Variants in ANKFN1 observed in about 807,000 individuals in gnomAD.
ANKFN1 encodes ankyrin repeat and fibronectin type III domain containing 1, also known as ankyrin repeat and fibronectin type-III domain-containing protein 1.
A neutral mutation model predicts 108.7 loss-of-function variants in ANKFN1; 74 were observed. The ratio of observed to expected loss-of-function variants is 0.68; its 90% CI spans 0.56 to 0.83. The LOEUF is 0.83. Ranked by LOEUF, ANKFN1 falls within the 40% of genes least tolerant of loss-of-function variation. ANKFN1 has a pLI of 0.00. For missense variants in ANKFN1, 1,505 were observed against 1,382.3 expected (o/e 1.09, Z -1.41); for synonymous variants, 547 against 516.2 (o/e 1.06, Z -0.81).
intron 15 of ANKFN1, among the ~76,000 whole-genome samples, chr17:56,475,932 C>A (rs2050482917): frequency 6.6e-6 from 1 of 152,192 alleles, no homozygotes; most frequent in Non-Finnish European, 1.5e-5. Flanking sequence ...AATCACAGCT[C>A]TGCAGGCTTA....
intron 15 of ANKFN1, among the ~76,000 whole-genome samples, chr17:56,467,825 A>G (rs2050171381): frequency 2.1e-5 from 1 of 48,036 alleles, no homozygotes; most frequent in Non-Finnish European, 3.7e-5. Flanking sequence ...AAAGAAAGAA[A>G]GAAAGAAAGA....
chr17:56,053,243 C>T lies in ANKFN1; in HGVS notation c.288+6918C>T, dbSNP rs1267415212. The stretch of plus-strand genomic sequence containing the variant: ...ATATAGGCATAAAATTTGTAATAAT[C>T]ACATCAGGATAAATGGGGCATCCAT... On this transcript the variant is annotated intron_variant, in intron 4 of 12. Transcript: ENST00000635860. 2.6e-5 allele frequency among the ~76,000 whole-genome samples: 4 copies of T among 152,124 alleles called. No homozygotes were observed. The East Asian group carries it at 5.8e-4, about 22-fold the overall frequency.
chr17:56,089,603 T>C (rs1248806851), intron 4 of ANKFN1, among the ~76,000 whole-genome samples: 3 of 151,384 alleles, frequency 2.0e-5, no homozygotes, highest in Non-Finnish European at 3.0e-5. Flanking sequence ...AAAAGTGATA[T>C]TATCTTTTTC....
At chr17:56,268,084 C>A (rs1217445015) in intron 3 of ANKFN1, among the ~76,000 whole-genome samples, 1 of 152,034 alleles carries the variant, frequency 6.6e-6, no homozygotes, top group Non-Finnish European at 1.5e-5. Flanking sequence ...CCAAATGAAC[C>A]TAATAGATAT....
rs1437239366 is a variant in ANKFN1 at position 56,510,693 on chromosome 17, C to G, written c.2865C>G (p.Pro955=). ...VKTPLGPGQD[P]QGEGPNPDHS... The stretch of plus-strand genomic sequence containing the variant: ...CCCCTCTGGGGCCGGGCCAGGATCC[C>G]CAGGGCGAGGGCCCAAATCCCGATC... Residue 955 remains proline, a synonymous_variant, in exon 21 of 21, where the codon CCC becomes CCG. Transcript: ENST00000682825. 2 of 1,536,030 alleles carry G rather than the reference C, an allele frequency of 1.3e-6. No individual in the cohort carries two copies. Among genetic ancestry groups the G allele is most frequent in the Non-Finnish European group, 1.7e-6 (2 of 1,146,918 alleles).
chr17:56,127,842 G>T (rs1474107710), intron 4 of ANKFN1, among the ~76,000 whole-genome samples: 1 of 152,168 alleles, frequency 6.6e-6, no homozygotes, highest in Non-Finnish European at 1.5e-5. Flanking sequence ...AAGAACTGGG[G>T]GCTAGGTAGT....
At chr17:56,382,210 A>G (rs554452650) in intron 8 of ANKFN1, among the ~76,000 whole-genome samples, 263 of 152,338 alleles carry the variant, frequency 1.7e-3, no homozygotes, top group African/African-American at 5.7e-3. Context: ...TCAAGCCAGA[A>G]TTTCATATCC....
intron 4 of ANKFN1, among the ~76,000 whole-genome samples, chr17:56,345,011 A>G (rs2046059601): frequency 6.6e-6 from 1 of 152,152 alleles, no homozygotes; most frequent in African/African-American, 2.4e-5. Context: ...CCCCGCATGT[A>G]TTAGGTATTT....
chr17:56,376,307 G>T (rs556631760), intron 8 of ANKFN1, among the ~76,000 whole-genome samples: 1 of 152,270 alleles, frequency 6.6e-6, no homozygotes, highest in South Asian at 2.1e-4. Context: ...AGATAAGACA[G>T]CATTGAATTG....
At chr17:56,085,220 A>G (rs543101717) in intron 4 of ANKFN1, among the ~76,000 whole-genome samples, 2 of 143,110 alleles carry the variant, frequency 1.4e-5, no homozygotes, top group East Asian at 2.0e-4. Context: ...TCCACATCCT[A>G]ATCCTGGGAA....
chr17:56,394,777 G>A (rs1038478046), intron 8 of ANKFN1, among the ~76,000 whole-genome samples: 3 of 152,198 alleles, frequency 2.0e-5, no homozygotes, highest in Admixed American at 2.0e-4. Flanking sequence ...GAGATGATAA[G>A]CCGCTTTCTA....
At chr17:56,214,647 C>T (rs1318605158) in intron 2 of ANKFN1, among the ~76,000 whole-genome samples, 3 of 152,190 alleles carry the variant, frequency 2.0e-5, no homozygotes, top group Non-Finnish European at 4.4e-5. Flanking sequence ...TCTCTCTAAC[C>T]TGGTTTCCAC....
chr17:56,164,188 T>C (rs1310710694), intron 1 of ANKFN1, among the ~76,000 whole-genome samples: 1 of 152,158 alleles, frequency 6.6e-6, no homozygotes, highest in Non-Finnish European at 1.5e-5. Context: ...TGCCTTTGGA[T>C]CTGCTGCTCC....
rs140844070 is a variant in ANKFN1, at chr17:56,294,570, G to A, written c.54-31651G>A. Among the ~76,000 whole-genome samples, 600 of 152,290 alleles carry A rather than the reference G, an allele frequency of 3.9e-3. 3 individuals are homozygous for A. Among genetic ancestry groups the A allele is most frequent in the African/African-American group, 0.014 (566 of 41,564 alleles). On this transcript the variant is annotated intron_variant, in intron 3 of 20. Coordinates refer to ENST00000682825, the MANE Select transcript of ANKFN1 (RefSeq NM_001370326.1). ...AGAGGTTTGAGAATTTGATTGTTTG[G>A]TAATACAGAATGTGTAGCCTAGTGC...
At chr17:56,443,531 C>G (rs1343253708) in intron 10 of ANKFN1, among the ~76,000 whole-genome samples, 1 of 152,152 alleles carries the variant, frequency 6.6e-6, no homozygotes, top group Non-Finnish European at 1.5e-5. Context: ...TTCCCTTCCT[C>G]ACCCGCAGTG....
chr17:56,186,682 A>C (rs2143659213), intron 1 of ANKFN1, among the ~76,000 whole-genome samples: 1 of 152,356 alleles, frequency 6.6e-6, no homozygotes, highest in South Asian at 2.1e-4. Context: ...CACAGTGCTA[A>C]GGATCACATA....
chr17:56,292,267 C>G (rs1372211305), intron 3 of ANKFN1, among the ~76,000 whole-genome samples: 1 of 152,144 alleles, frequency 6.6e-6, no homozygotes, highest in Non-Finnish European at 1.5e-5. Context: ...GGTTAAGGAT[C>G]TAACAATTGC....
chr17:56,485,604 G>T (rs1332848843), intron 18 of ANKFN1, among the ~76,000 whole-genome samples: 4 of 152,130 alleles, frequency 2.6e-5, no homozygotes, highest in African/African-American at 9.7e-5. Context: ...CGTATGAAAG[G>T]CTCTGCAAAA....
intron 4 of ANKFN1, among the ~76,000 whole-genome samples, chr17:56,115,003 A>G (rs147274950): frequency 2.6e-5 from 4 of 152,336 alleles, no homozygotes; most frequent in African/African-American, 7.2e-5. Flanking sequence ...CCAGAAATAA[A>G]TGCAGTCGTA....
Sources: allele counts gnomAD v4.1 joint callset (sites outside exome capture counted in the v4.1 genomes callset), GRCh38; gene constraint gnomAD v4.1.1; transcripts MANE v1.5; gene names NCBI Gene and HGNC (gene_info 2026-07-23, HGNC 2026-07-21).